HS3ST5: variants seen among roughly 807,000 people sequenced by gnomAD.
The protein encoded by HS3ST5 is heparan sulfate-glucosamine 3-sulfotransferase 5, also known as heparan sulfate glucosamine 3-O-sulfotransferase 5.
Under a neutral mutation model 25.4 loss-of-function variants are expected in HS3ST5, and 10 were observed. The ratio of observed to expected loss-of-function variants is 0.39; its 90% CI spans 0.24 to 0.67. HS3ST5 has a LOEUF of 0.67. Among genes scored for constraint, HS3ST5 ranks in the 30% least tolerant of loss-of-function variants. The pLI is 0.44. For synonymous variants in HS3ST5, 170 were observed against 162.4 expected (o/e 1.05, Z -0.36); for missense variants, 324 against 420.7 (o/e 0.77, Z 2.01).
chr6:114,299,847 G>A (rs535052761), intron 1 of HS3ST5, among the ~76,000 whole-genome samples: 17 of 152,138 alleles, frequency 1.1e-4, no homozygotes, highest in East Asian at 7.7e-4. Flanking sequence ...ATGAGGTTAA[G>A]AAGAAAATGT....
At chr6:114,306,256 T>TATATATATATGTAC (rs756494412) in intron 1 of HS3ST5, among the ~76,000 whole-genome samples, 320 of 115,380 alleles carry the variant, frequency 2.8e-3, no homozygotes, top group South Asian at 0.015. Flanking sequence ...TATATATATA[T>TATATATATATGTAC]ACACACACAC....
intron 1 of HS3ST5, among the ~76,000 whole-genome samples, chr6:114,313,344 C>T (rs1335878282): frequency 6.6e-6 from 1 of 152,076 alleles, no homozygotes; most frequent in Non-Finnish European, 1.5e-5. Context: ...TAGGCACTTG[C>T]TTACAATAAA....
intron 3 of HS3ST5, among the ~76,000 whole-genome samples, chr6:114,073,205 C>T (rs553201756): frequency 4.0e-4 from 61 of 152,272 alleles, no homozygotes; most frequent in African/African-American, 1.3e-3. Flanking sequence ...AAAACCTAGG[C>T]GATACCATTC....
Position 114,057,960 on chromosome 6 carries a change from T to C in HS3ST5, c.338A>G (p.His113Arg). 1 of 1,614,154 alleles carries C rather than the reference T, an allele frequency of 6.2e-7. No individual in the cohort carries two copies. The highest frequency in any genetic ancestry group is 8.5e-7 in the Non-Finnish European group (1 of 1,180,026). ...TRALLEMLNL[H>R]PAVVKASQEI... is the part of the protein sequence containing the mutation. ...TTGAGAGGCTTTGACTACTGCCGGA[T>C]GTAGGTTCAGCATTTCAAGCAGGGC... is the stretch of plus-strand genomic sequence containing the variant. Residue 113 changes from histidine (H) to arginine (R), a missense_variant, in exon 5 of 5, where the codon CAT (histidine) becomes CGT (arginine). Physicochemically the swap from His to Arg is conservative, Grantham distance 29. Transcript: ENST00000312719.
chr6:114,197,471 T>C (rs1345075745), intron 2 of HS3ST5, among the ~76,000 whole-genome samples: 1 of 152,200 alleles, frequency 6.6e-6, no homozygotes, highest in Non-Finnish European at 1.5e-5. Flanking sequence ...ATTGTATATA[T>C]ATTTATTTTA....
chr6:114,274,434 G>T (rs1413417445), intron 1 of HS3ST5, among the ~76,000 whole-genome samples: 1 of 152,018 alleles, frequency 6.6e-6, no homozygotes, highest in Non-Finnish European at 1.5e-5. Context: ...AGGTTGGTCT[G>T]CAAGGGAGCA....
At chr6:114,224,599 G>A (rs1415787698) in intron 2 of HS3ST5, among the ~76,000 whole-genome samples, 2 of 150,680 alleles carry the variant, frequency 1.3e-5, no homozygotes, top group East Asian at 3.9e-4. Flanking sequence ...TACTTCTATA[G>A]TTTGATTGTG....
chr6:114,234,027 G>A (rs1771736301), intron 1 of HS3ST5, among the ~76,000 whole-genome samples: 1 of 152,188 alleles, frequency 6.6e-6, no homozygotes, highest in Non-Finnish European at 1.5e-5. Flanking sequence ...GCTGTAGCCA[G>A]ATAATGTTTT....
chr6:114,136,041 G>A (rs1215715709), intron 3 of HS3ST5, among the ~76,000 whole-genome samples: 1 of 152,212 alleles, frequency 6.6e-6, no homozygotes, highest in Non-Finnish European at 1.5e-5. Context: ...CACACAGTGG[G>A]TGCTCAGTGC....
chr6:114,238,720 C>A (rs1489622229), intron 1 of HS3ST5, among the ~76,000 whole-genome samples: 1 of 152,054 alleles, frequency 6.6e-6, no homozygotes, highest in Non-Finnish European at 1.5e-5. Flanking sequence ...ACTCATTTTG[C>A]GAGATGGATA....
In HS3ST5 at chr6:114,296,184, C is replaced by T. The variant is rs1774812299; in HGVS notation, c.-339+46011G>A. Among the ~76,000 whole-genome samples, 3 of 152,244 alleles carry T rather than the reference C, an allele frequency of 2.0e-5. No homozygotes were observed. In the South Asian group the frequency reaches 6.2e-4, roughly 32 times the overall value. ...TAGCTATATTAACATTTTTACTCAA[C>T]AAAGGCATGTTATGGCCCACTCTAA... On this transcript the variant is annotated intron_variant, in intron 1 of 4. Transcript: ENST00000312719.
intron 1 of HS3ST5, among the ~76,000 whole-genome samples, chr6:114,296,993 G>A (rs1774852557): frequency 6.6e-6 from 1 of 152,120 alleles, no homozygotes; most frequent in South Asian, 2.1e-4. Flanking sequence ...ACGCTTCTCT[G>A]TAAAAACAAA....
chr6:114,235,022 C>G (rs1771787599), intron 1 of HS3ST5, among the ~76,000 whole-genome samples: 1 of 152,080 alleles, frequency 6.6e-6, no homozygotes, highest in Non-Finnish European at 1.5e-5. Context: ...ACTCCAGAGG[C>G]TGAGGCAGGA....
chr6:114,078,635 G>A (rs1774279840), intron 3 of HS3ST5, among the ~76,000 whole-genome samples: 1 of 152,180 alleles, frequency 6.6e-6, no homozygotes, highest in African/African-American at 2.4e-5. Flanking sequence ...TATAGATGAG[G>A]AAGCCAAGAC....
chr6:114,115,522 A>G (rs1437171505), intron 3 of HS3ST5, among the ~76,000 whole-genome samples: 1 of 152,048 alleles, frequency 6.6e-6, no homozygotes, highest in East Asian at 1.9e-4. Context: ...CTCTTATGGA[A>G]GGGGAAAGAA....
intron 1 of HS3ST5, among the ~76,000 whole-genome samples, chr6:114,327,699 T>C (rs1484887802): frequency 6.6e-6 from 1 of 152,198 alleles, no homozygotes; most frequent in Non-Finnish European, 1.5e-5. Context: ...GTAAATATTT[T>C]TGGAATTGAG....
chr6:114,267,797 T>A (rs1773472801), intron 1 of HS3ST5, among the ~76,000 whole-genome samples: 1 of 152,132 alleles, frequency 6.6e-6, no homozygotes, highest in South Asian at 2.1e-4. Context: ...AGTATCTACA[T>A]CAGTATACTC....
At chr6:114,224,600 T>G (rs1053323297) in intron 2 of HS3ST5, among the ~76,000 whole-genome samples, 24 of 151,334 alleles carry the variant, frequency 1.6e-4, no homozygotes, top group Middle Eastern at 3.2e-3. Flanking sequence ...ACTTCTATAG[T>G]TTGATTGTGA....
rs188589431 is a variant in HS3ST5, at chr6:114,175,438, A to G, written c.-144-6976T>C. Among the ~76,000 whole-genome samples the G allele has an allele frequency of 2.1e-3, 327 of 152,362 alleles. 5 individuals are homozygous for G. Among genetic ancestry groups the G allele is most frequent in the East Asian group, 2.3e-3 (12 of 5,190 alleles). On this transcript the variant is annotated intron_variant, in intron 2 of 4. Transcript: ENST00000312719. ...AGGGAATTGGTTCAGGGTTCTTTGC[A>G]TCCAAAATTCAAATAAGTAATCAAA...
Sources: gnomAD v4.1 joint callset for allele counts (sites outside exome capture counted in the v4.1 genomes callset) on GRCh38, gnomAD v4.1.1 for gene constraint, MANE v1.5 for transcripts, NCBI Gene and HGNC (gene_info 2026-07-23, HGNC 2026-07-21) for gene names.